SSBP2: variants seen among roughly 807,000 people sequenced by gnomAD.
The protein encoded by SSBP2 is single stranded DNA binding protein 2, also known as single-stranded DNA-binding protein 2.
In SSBP2, 17 loss-of-function variants were observed where a neutral mutation model predicts 61.8. The ratio of observed to expected loss-of-function variants is 0.28; its 90% CI spans 0.19 to 0.41. The LOEUF (loss-of-function observed/expected upper bound fraction) is 0.41, where lower values mean the gene tolerates loss of function less well. SSBP2 is among the 10% of genes least tolerant of loss of function. SSBP2 has a pLI of 1.00. For missense variants in SSBP2, 310 were observed against 458.7 expected, an observed-to-expected ratio of 0.68 and a Z score of 2.96; for synonymous variants, 139 against 141.3, an observed-to-expected ratio of 0.98 and a Z score of 0.12.
intron 9 of SSBP2, 103 bp from the exon 10 acceptor site, chr5:81,461,206 G>T: frequency 1.2e-6 from 1 of 864,536 alleles, no homozygotes; most frequent in Non-Finnish European, 1.7e-6. Flanking sequence ...CAGTTACTAT[G>T]CAGTTCTAGT....
At chr5:81,537,619 T>C (rs538703284) in intron 4 of SSBP2, among the ~76,000 whole-genome samples, 24 of 152,322 alleles carry the variant, frequency 1.6e-4, no homozygotes, top group African/African-American at 4.3e-4. Context: ...CATGTGCTCA[T>C]TCAGGTCTGT....
intron 10 of SSBP2, among the ~76,000 whole-genome samples, chr5:81,452,912 G>C (rs1401182721): frequency 1.3e-5 from 2 of 149,614 alleles, no homozygotes; most frequent in Non-Finnish European, 3.0e-5. Context: ...GATTAAACTA[G>C]ATTTTTGGTA....
At chr5:81,444,697 T>C (rs771472703) in intron 12 of SSBP2, among the ~76,000 whole-genome samples, 1 of 152,206 alleles carries the variant, frequency 6.6e-6, no homozygotes, top group Non-Finnish European at 1.5e-5. Context: ...TTCAACTGTA[T>C]TGGCCTTACT....
At chr5:81,474,099 T>TA (rs1310025606) in intron 7 of SSBP2, among the ~76,000 whole-genome samples, 4 of 152,198 alleles carry the variant, frequency 2.6e-5, no homozygotes, top group African/African-American at 7.2e-5. Flanking sequence ...TTGAGATTGT[T>TA]AAACTAATCA....
intron 4 of SSBP2, among the ~76,000 whole-genome samples, chr5:81,577,960 A>G (rs1246388147): frequency 6.6e-6 from 1 of 152,012 alleles, no homozygotes; most frequent in Non-Finnish European, 1.5e-5. Flanking sequence ...ATTCTACTAA[A>G]ACCTCTATTG....
chr5:81,439,740 C>T (rs1053087912), intron 14 of SSBP2, among the ~76,000 whole-genome samples: 3 of 147,428 alleles, frequency 2.0e-5, no homozygotes, highest in Admixed American at 6.8e-5. Context: ...GGCGCGATCT[C>T]GGCTCACTGC....
chr5:81,428,811 C>G, intron 15 of SSBP2, 128 bp from the exon 16 acceptor site: 1 of 603,658 alleles, frequency 1.7e-6, no homozygotes, highest in East Asian at 2.9e-5. Context: ...TCTTAGACTT[C>G]TACCATGTAT....
In SSBP2 at chr5:81,449,678, AAAGT is replaced by A. The variant is rs1172682597; in HGVS notation, c.688-857_688-854del. Among the ~76,000 whole-genome samples the A allele has an allele frequency of 8.5e-5, 13 of 152,336 alleles. No homozygotes were observed. The East Asian group carries it at 2.5e-3, about 29-fold the overall frequency. Reference sequence around the variant, plus strand: ...AAACACAAAAATAATATGAAACCATAAAGTAAGTATAAGGAAGTACAACCAAGTT... The same window carrying A: ...AAACACAAAAATAATATGAAACCATAAAGTATAAGGAAGTACAACCAAGTT... On this transcript the variant is annotated intron_variant, in intron 10 of 16. Coordinates refer to ENST00000320672, the MANE Select transcript of SSBP2 (RefSeq NM_012446.5).
intron 4 of SSBP2, among the ~76,000 whole-genome samples, chr5:81,521,197 A>G (rs1262313522): frequency 6.6e-6 from 1 of 151,996 alleles, no homozygotes; most frequent in Non-Finnish European, 1.5e-5. Flanking sequence ...TACCTATGAA[A>G]AATGAAGAAG....
chr5:81,485,439 G>A (rs186556885), intron 6 of SSBP2, among the ~76,000 whole-genome samples: 3 of 152,178 alleles, frequency 2.0e-5, no homozygotes, highest in Admixed American at 2.0e-4. Context: ...AATGGTTTCA[G>A]GGGAACTCAA....
chr5:81,739,101 G>C (rs1269046123), intron 1 of SSBP2, among the ~76,000 whole-genome samples: 1 of 131,494 alleles, frequency 7.6e-6, no homozygotes, highest in East Asian at 2.5e-4. Context: ...GGAGGTGGAG[G>C]TTTCGGTGAG....
In SSBP2 at chr5:81,583,181, C is replaced by T. The variant is rs1043727730; in HGVS notation, c.282+32292G>A. Among the ~76,000 whole-genome samples, 6 of 152,292 alleles carry T rather than the reference C, an allele frequency of 3.9e-5. No individual in the cohort carries two copies. In the South Asian group the frequency reaches 1.2e-3, roughly 32 times the overall value. ...GCAGTGAGCTATGATCATGCTACTG[C>T]ACTCCAATGTGGGTGATCCTGAGTG... On this transcript the variant is annotated intron_variant, in intron 4 of 16. Coordinates refer to ENST00000320672, the MANE Select transcript of SSBP2 (RefSeq NM_012446.5).
chr5:81,443,364 T>C (rs1055000689), intron 12 of SSBP2: 3 of 152,174 alleles, frequency 2.0e-5, no homozygotes, highest in African/African-American at 2.4e-5. Flanking sequence ...ATATGTAACA[T>C]TGTGCAGTAT....
At position 81,492,996 on chromosome 5, in the gene SSBP2, G is replaced by A. The variant is rs1766972879; in HGVS notation, c.373-3687C>T. Among the ~76,000 whole-genome samples, 3 of 151,964 alleles carry A rather than the reference G, an allele frequency of 2.0e-5. No homozygotes were observed. In the South Asian group the frequency reaches 6.3e-4, roughly 32 times the overall value. ...TGGGGATAAAGGCATATGTTCCTAA[G>A]GCACAAACCATTTTCATCAAGGAGC... On this transcript the variant is annotated intron_variant, in intron 5 of 16. Coordinates refer to ENST00000320672, the MANE Select transcript of SSBP2 (RefSeq NM_012446.5).
chr5:81,683,403 G>A (rs1752543968), intron 1 of SSBP2, among the ~76,000 whole-genome samples: 1 of 152,098 alleles, frequency 6.6e-6, no homozygotes, highest in South Asian at 2.1e-4. Context: ...TTGAACAAAT[G>A]GTGTTTGAAC....
chr5:81,502,978 T>C (rs1182769792), intron 5 of SSBP2, among the ~76,000 whole-genome samples: 1 of 151,816 alleles, frequency 6.6e-6, no homozygotes, highest in Non-Finnish European at 1.5e-5. Context: ...AAGATTACAA[T>C]GAAAAACAAA....
chr5:81,685,456 G>A (rs1213606528), intron 1 of SSBP2, among the ~76,000 whole-genome samples: 1 of 151,876 alleles, frequency 6.6e-6, no homozygotes, highest in African/African-American at 2.4e-5. Flanking sequence ...CAGGATGTGT[G>A]GAGGGAAAGA....
At chr5:81,645,898 C>G (rs1394222653) in intron 2 of SSBP2, among the ~76,000 whole-genome samples, 1 of 151,976 alleles carries the variant, frequency 6.6e-6, no homozygotes, top group Non-Finnish European at 1.5e-5. Context: ...TTGGCACAAC[C>G]TAGTTAGAGA....
At chr5:81,587,763 G>GCGCGCA (rs138057328) in intron 4 of SSBP2, among the ~76,000 whole-genome samples, 52 of 149,034 alleles carry the variant, frequency 3.5e-4, no homozygotes, top group African/African-American at 8.7e-4. Flanking sequence ...ACACGCGCGC[G>GCGCGCA]CACACACACA....
Sources: allele counts gnomAD v4.1 joint callset (sites outside exome capture counted in the v4.1 genomes callset), GRCh38; gene constraint gnomAD v4.1.1; transcripts MANE v1.5; gene names NCBI Gene and HGNC (gene_info 2026-07-23, HGNC 2026-07-21).